CCDC14: variants seen among roughly 807,000 people sequenced by gnomAD.
CCDC14 encodes the protein coiled-coil domain-containing protein 14.
A neutral mutation model predicts 81.4 loss-of-function variants in CCDC14; 71 were observed. That is an observed-to-expected ratio of 0.87 (90% CI 0.72 to 1.06). CCDC14 has a LOEUF of 1.06. CCDC14 is among the 50% of genes least tolerant of loss of function. The pLI is 0.00. For synonymous variants in CCDC14, 332 were observed against 364.8 expected, an observed-to-expected ratio of 0.91 and a Z score of 1.03; for missense variants, 1,046 against 1,047.3, an observed-to-expected ratio of 1.00 and a Z score of 0.02.
intron 10 of CCDC14, 127 bp from the exon 11 acceptor site, chr3:123,931,653 G>C: frequency 1.7e-6 from 1 of 593,306 alleles, no homozygotes; most frequent in Non-Finnish European, 2.9e-6. Context: ...ACGATTAATT[G>C]CATGAGCAGT....
rs747224685 is a variant in CCDC14 at position 123,897,525 on chromosome 3, G to C, written c.757C>G (p.Leu253Val). ...AGATCTCCCACCTCTTCCTTGTTCA[G>C]AGCAGTTCTGCTTTTCCGTAGTTCA... is the stretch of plus-strand genomic sequence containing the variant. The change falls in exon 6 of 6, where the codon CTG (leucine) becomes GTG (valine). Residue 253 changes from leucine (L) to valine (V), a missense_variant. By Grantham distance (32) the Leu-to-Val change is conservative (BLOSUM62 1). Coordinates refer to the CCDC14 transcript ENST00000479903. The C allele has an allele frequency of 8.5e-6, 7 of 819,070 alleles. No individual in the cohort carries two copies. The South Asian group carries it at 9.0e-5, about 10-fold the overall frequency. The allele number at this position is 819,070 out of a possible 1,614,324, so 50.7% of individuals were successfully genotyped here. A position where few individuals can be genotyped will look rare whatever the true frequency, so the allele number is the denominator to read the frequency against.
Position 123,956,736 on chromosome 3 carries a change from T to A in CCDC14, c.86+4A>T, listed in dbSNP as rs374693868. 7.5e-5 allele frequency: 116 copies of A among 1,546,646 alleles called. No individual in the cohort carries two copies. Among genetic ancestry groups the A allele is most frequent in the Middle Eastern group, 3.3e-4 (2 of 5,976 alleles). On this transcript the variant is annotated splice_donor_region_variant and intron_variant, in intron 2 of 12. Coordinates refer to ENST00000409697, the MANE Select transcript of CCDC14 (RefSeq NM_001366335.1). ...TGAAGTTGTAAACGTCTTCAAGTAC[T>A]TACGCTTTCTTTCCATTTGTTAATT...
chr3:123,957,497 C>G (rs547938731), intron 1 of CCDC14: 1 of 152,090 alleles, frequency 6.6e-6, no homozygotes, highest in African/African-American at 2.4e-5. Flanking sequence ...GAACTCTACC[C>G]TGTCTCTTTA....
chr3:123,909,637 A>C (rs2034398396), downstream of CCDC14, among the ~76,000 whole-genome samples: 1 of 152,226 alleles, frequency 6.6e-6, no homozygotes, highest in South Asian at 2.1e-4. Context: ...ATACACATAG[A>C]CCAACTACAT....
intron 12 of CCDC14, among the ~76,000 whole-genome samples, chr3:123,920,739 C>A (rs2034997775): frequency 6.6e-6 from 1 of 152,118 alleles, no homozygotes; most frequent in Non-Finnish European, 1.5e-5. Flanking sequence ...TACCATGAAA[C>A]ACATGCAATT....
At chr3:123,923,297 T>C (rs1425927145) in intron 12 of CCDC14, among the ~76,000 whole-genome samples, 11 of 151,966 alleles carry the variant, frequency 7.2e-5, no homozygotes, top group Non-Finnish European at 1.5e-5. Flanking sequence ...ACAAAGGCCA[T>C]ATATATGACA....
chr3:123,932,008 C>T (rs1209391663), intron 10 of CCDC14, among the ~76,000 whole-genome samples: 1 of 152,116 alleles, frequency 6.6e-6, no homozygotes, highest in Admixed American at 6.6e-5. Flanking sequence ...TCCCATAAGA[C>T]TGTTGTATAC....
At chr3:123,899,905 CT>C (rs1318099266) in intron 5 of CCDC14, among the ~76,000 whole-genome samples, 16 of 152,172 alleles carry the variant, frequency 1.1e-4, no homozygotes, top group African/African-American at 3.9e-4. Flanking sequence ...GCTCATTAGT[CT>C]TTTCCAAGCT....
intron 1 of CCDC14, among the ~76,000 whole-genome samples, chr3:123,959,244 T>A (rs2037525410): frequency 6.6e-6 from 1 of 152,232 alleles, no homozygotes; most frequent in Non-Finnish European, 1.5e-5. Context: ...TATACCATTT[T>A]ACATTCCCAC....
downstream of CCDC14, chr3:123,913,279 A>G (rs2148772424): frequency 1.6e-6 from 1 of 608,272 alleles, no homozygotes; most frequent in Non-Finnish European, 2.1e-6. Context: ...AATTAATTGA[A>G]CACACAAGCG....
chr3:123,926,286 C>T (rs971435119), intron 12 of CCDC14, among the ~76,000 whole-genome samples: 4 of 151,730 alleles, frequency 2.6e-5, no homozygotes, highest in East Asian at 1.9e-4. Flanking sequence ...AATATGAAAA[C>T]GTTAAAATTT....
chr3:123,918,358 T>C (rs920478368), intron 12 of CCDC14, among the ~76,000 whole-genome samples: 2 of 152,310 alleles, frequency 1.3e-5, no homozygotes. Flanking sequence ...TTCTAGGTTA[T>C]GAGGAGAGTG....
chr3:123,920,081 A>G (rs1422940793), intron 12 of CCDC14, among the ~76,000 whole-genome samples: 1 of 152,194 alleles, frequency 6.6e-6, no homozygotes. Context: ...TTTAAAAATC[A>G]AATAGATATC....
intron 9 of CCDC14, among the ~76,000 whole-genome samples, chr3:123,936,526 G>C (rs1051651359): frequency 6.6e-6 from 1 of 152,024 alleles, no homozygotes; most frequent in Non-Finnish European, 1.5e-5. Context: ...ATGAGATCAT[G>C]TTTTTTTGCA....
chr3:123,931,341 G>T lies in CCDC14; in HGVS notation c.1612C>A (p.Gln538Lys). The change falls in exon 11 of 13, where the codon CAA (glutamine) becomes AAA (lysine). Residue 538 changes from glutamine (Q) to lysine (K), a missense_variant. Coordinates refer to ENST00000409697, the MANE Select transcript of CCDC14 (RefSeq NM_001366335.1). ...KDQTILENKQ[Q>K]YDIEITRIKI... ...ATTCTTGTTATCTCAATATCATATT[G>T]CTGTTTATTTTCAAGTATAGTTTGA... The T allele has an allele frequency of 6.6e-7, 1 of 1,519,154 alleles. No individual in the cohort carries two copies. The highest frequency in any genetic ancestry group is 1.2e-5 in the South Asian group (1 of 82,954). 94.1% of individuals were successfully genotyped at this position (1,519,154 alleles called of 1,614,324 possible).
intron 8 of CCDC14, among the ~76,000 whole-genome samples, chr3:123,946,518 A>G (rs549578743): frequency 1.4e-4 from 22 of 152,208 alleles, no homozygotes; most frequent in South Asian, 4.2e-4. Flanking sequence ...TTATCTGTCC[A>G]AATTCTCTTT....
chr3:123,958,353 T>A (rs2037469419), intron 1 of CCDC14: 1 of 152,032 alleles, frequency 6.6e-6, no homozygotes, highest in Non-Finnish European at 1.5e-5. Flanking sequence ...ATATGGTGTT[T>A]CTCCAAAAAA....
At chr3:123,891,541 G>A in the CCDC14 span, among the ~76,000 whole-genome samples, 609 of 152,270 alleles carry the variant, frequency 4.0e-3, no homozygotes, top group Middle Eastern at 0.014. Flanking sequence ...GTGGTAAAAT[G>A]CTGTCAGTCT....
downstream of CCDC14, among the ~76,000 whole-genome samples, chr3:123,894,409 T>C (rs769807199): frequency 6.6e-6 from 1 of 152,226 alleles, no homozygotes; most frequent in Non-Finnish European, 1.5e-5. Context: ...AATTTTGTTG[T>C]TCTTTTTCAA....
Sources: allele counts gnomAD v4.1 joint callset (sites outside exome capture counted in the v4.1 genomes callset), GRCh38; gene constraint gnomAD v4.1.1; transcripts MANE v1.5; gene names NCBI Gene and HGNC (gene_info 2026-07-23, HGNC 2026-07-21).